C8orf34: variants seen among roughly 807,000 people sequenced by gnomAD.
C8orf34 encodes uncharacterized protein C8orf34.
In C8orf34, 65 loss-of-function variants were observed where a neutral mutation model predicts 68.3. The ratio of observed to expected loss-of-function variants is 0.95; its 90% CI spans 0.78 to 1.17. The LOEUF (loss-of-function observed/expected upper bound fraction) is 1.17, where lower values mean the gene tolerates loss of function less well. C8orf34 is among the 50% of genes most tolerant of loss of function. C8orf34 has a pLI of 0.00. For missense variants in C8orf34, 664 were observed against 655.4 expected, an observed-to-expected ratio of 1.01 and a Z score of -0.14; for synonymous variants, 244 against 241.2, an observed-to-expected ratio of 1.01 and a Z score of -0.11.
intron 5 of C8orf34, among the ~76,000 whole-genome samples, chr8:68,494,820 C>T (rs757139198): frequency 3.3e-5 from 5 of 151,780 alleles, no homozygotes; most frequent in Admixed American, 6.6e-5. Context: ...CACGCTACTA[C>T]ACTCCAGCCT....
chr8:68,668,671 A>T (rs983800992), intron 8 of C8orf34, among the ~76,000 whole-genome samples: 6 of 152,200 alleles, frequency 3.9e-5, no homozygotes, highest in African/African-American at 4.8e-5. Context: ...TGACATTAAG[A>T]TGGAAAGAGT....
rs1281250207 is a variant in C8orf34 at position 68,416,693 on chromosome 8, C to G, written c.328-22806C>G. Among the ~76,000 whole-genome samples, 5 of 151,792 alleles carry G rather than the reference C, an allele frequency of 3.3e-5. 1 individual carries two copies. The highest frequency in any genetic ancestry group is 1.2e-4 in the African/African-American group (5 of 41,360). On this transcript the variant is annotated intron_variant, in intron 1 of 13. Coordinates refer to ENST00000518698, the MANE Select transcript of C8orf34 (RefSeq NM_052958.4). ...TTACAGGTAGATGTCACCATGCCTG[C>G]CTAATTTTTCTATTTTCAGTAGAGG... is the stretch of plus-strand genomic sequence containing the variant.
chr8:68,767,756 C>T (rs1488408550), intron 10 of C8orf34, among the ~76,000 whole-genome samples: 3 of 152,190 alleles, frequency 2.0e-5, no homozygotes, highest in Non-Finnish European at 4.4e-5. Flanking sequence ...TCTCCCACCT[C>T]AGTCTCCCAA....
intron 5 of C8orf34, among the ~76,000 whole-genome samples, chr8:68,493,023 A>G (rs867329729): frequency 6.6e-6 from 1 of 152,228 alleles, no homozygotes; most frequent in Non-Finnish European, 1.5e-5. Context: ...AACTAACGTT[A>G]ATTTCCCATG....
Position 68,576,344 on chromosome 8 carries a change from C to T in C8orf34, c.1105+43195C>T, listed in dbSNP as rs139624994. On this transcript the variant is annotated intron_variant, in intron 7 of 13. Transcript: ENST00000518698. ...TAAGGAATAAAACACAAACAATAAACGTATTCAGCTAACATTCAAGCAGAT... is the reference window on the plus strand; with the variant it reads ...TAAGGAATAAAACACAAACAATAAATGTATTCAGCTAACATTCAAGCAGAT... 1.7e-3 allele frequency among the ~76,000 whole-genome samples: 249 copies of T among 148,864 alleles called. 4 individuals are homozygous for T. The highest frequency in any genetic ancestry group is 2.1e-3 in the African/African-American group (81 of 38,516).
At chr8:68,529,432 T>A (rs1176599153) in intron 6 of C8orf34, among the ~76,000 whole-genome samples, 2 of 152,232 alleles carry the variant, frequency 1.3e-5, no homozygotes, top group African/African-American at 4.8e-5. Flanking sequence ...TCCGTATCTG[T>A]AATTGTGAAA....
chr8:68,661,776 TGTG>T (rs1819686965), intron 8 of C8orf34, among the ~76,000 whole-genome samples: 1 of 152,010 alleles, frequency 6.6e-6, no homozygotes, highest in Non-Finnish European at 1.5e-5. Flanking sequence ...TGTAAGCACT[TGTG>T]GGGTAGTTGG....
intron 8 of C8orf34, among the ~76,000 whole-genome samples, chr8:68,700,137 G>A (rs1446942037): frequency 3.3e-5 from 5 of 151,950 alleles, no homozygotes; most frequent in Non-Finnish European, 7.4e-5. Flanking sequence ...AGTGCCTACC[G>A]ACAAATACCA....
At chr8:68,545,795 T>G (rs1815856524) in intron 7 of C8orf34, among the ~76,000 whole-genome samples, 1 of 152,104 alleles carries the variant, frequency 6.6e-6, no homozygotes, top group South Asian at 2.1e-4. Flanking sequence ...GAATGAAGAT[T>G]AGCTGAAATG....
In C8orf34 at chr8:68,472,402, G is replaced by C. The variant is rs989763275; in HGVS notation, c.736+3582G>C. 3.9e-5 allele frequency among the ~76,000 whole-genome samples: 6 copies of C among 152,084 alleles called. No individual in the cohort carries two copies. In the South Asian group the frequency reaches 1.2e-3, roughly 32 times the overall value. On this transcript the variant is annotated intron_variant, in intron 4 of 13. Coordinates refer to ENST00000518698, the MANE Select transcript of C8orf34 (RefSeq NM_052958.4). ...TCTGATTCTTTACCTTCCTTTAAAG[G>C]GCACACCTGATTAGGTCAGAGCCAT...
At chr8:68,351,899 G>A (rs1467285342) in intron 1 of C8orf34, among the ~76,000 whole-genome samples, 1 of 152,054 alleles carries the variant, frequency 6.6e-6, no homozygotes, top group Non-Finnish European at 1.5e-5. Flanking sequence ...ATTCTGATAG[G>A]TGTGTAGTGG....
chr8:68,682,864 T>C (rs904905271), intron 8 of C8orf34, among the ~76,000 whole-genome samples: 4 of 152,166 alleles, frequency 2.6e-5, no homozygotes, highest in Non-Finnish European at 4.4e-5. Flanking sequence ...TTTACTTTTT[T>C]CCAAATTAGG....
intron 10 of C8orf34, among the ~76,000 whole-genome samples, chr8:68,766,401 C>G (rs1303090924): frequency 6.6e-6 from 1 of 152,128 alleles, no homozygotes; most frequent in East Asian, 1.9e-4. Flanking sequence ...TATACAGGTA[C>G]TTTACAAATT....
At chr8:68,503,664 G>C (rs562022833) in intron 5 of C8orf34, among the ~76,000 whole-genome samples, 1 of 151,380 alleles carries the variant, frequency 6.6e-6, no homozygotes, top group African/African-American at 2.4e-5. Context: ...GTCCAATGGA[G>C]TAGTTATTCT....
At chr8:68,438,442 G>A (rs1470799960) in intron 1 of C8orf34, 2 of 152,096 alleles carry the variant, frequency 1.3e-5, no homozygotes, top group Non-Finnish European at 2.9e-5. Flanking sequence ...CATCATTCAA[G>A]GCAAAGGAAA....
intron 10 of C8orf34, among the ~76,000 whole-genome samples, chr8:68,758,197 A>C (rs1033658205): frequency 6.6e-6 from 1 of 152,224 alleles, no homozygotes; most frequent in African/African-American, 2.4e-5. Context: ...TAGGATGCCC[A>C]CTGCTAGGAC....
intron 1 of C8orf34, among the ~76,000 whole-genome samples, chr8:68,365,600 A>T (rs1170121833): frequency 1.5e-5 from 1 of 68,146 alleles, no homozygotes; most frequent in African/African-American, 1.2e-4. Context: ...ATATACGCAA[A>T]TCAATAAATG....
chr8:68,702,156 C>T (rs529307142), intron 8 of C8orf34, among the ~76,000 whole-genome samples: 1 of 152,160 alleles, frequency 6.6e-6, no homozygotes, highest in South Asian at 2.1e-4. Flanking sequence ...TGGAAGCTGG[C>T]CAGCTTTACC....
intron 1 of C8orf34, among the ~76,000 whole-genome samples, chr8:68,344,784 G>C (rs1806212613): frequency 6.6e-6 from 1 of 152,078 alleles, no homozygotes; most frequent in Non-Finnish European, 1.5e-5. Context: ...AGATAAAGAA[G>C]TGAAAAATCT....
Sources: gnomAD v4.1 joint callset for allele counts (sites outside exome capture counted in the v4.1 genomes callset) on GRCh38, gnomAD v4.1.1 for gene constraint, MANE v1.5 for transcripts, NCBI Gene and HGNC (gene_info 2026-07-23, HGNC 2026-07-21) for gene names.